EGLN3: variants seen among roughly 807,000 people sequenced by gnomAD.
EGLN3 encodes egl-9 family hypoxia inducible factor 3, also known as prolyl hydroxylase EGLN3.
In EGLN3, 15 loss-of-function variants were observed where a neutral mutation model predicts 26.0. The ratio of observed to expected loss-of-function variants is 0.58; its 90% CI spans 0.39 to 0.89. The LOEUF is 0.89. Ranked by LOEUF, EGLN3 falls within the 40% of genes least tolerant of loss-of-function variation. The pLI, the probability that EGLN3 is intolerant of heterozygous loss-of-function variation, is 0.00. For synonymous variants in EGLN3, 147 were observed against 127.2 expected (o/e 1.16, Z -1.05); for missense variants, 238 against 311.6 (o/e 0.76, Z 1.78).
intron 1 of EGLN3, among the ~76,000 whole-genome samples, chr14:33,934,316 A>G (rs1486387276): frequency 2.6e-5 from 4 of 152,206 alleles, no homozygotes; most frequent in Admixed American, 6.5e-5. Flanking sequence ...AGCCATGTCC[A>G]GACAACAAAC....
intron 1 of EGLN3, among the ~76,000 whole-genome samples, chr14:33,946,867 T>C (rs1358891141): frequency 6.6e-6 from 1 of 152,264 alleles, no homozygotes; most frequent in African/African-American, 2.4e-5. Flanking sequence ...GCCACGAAGT[T>C]AGTTAACACT....
At chr14:33,931,802 A>C (rs904616997) in intron 1 of EGLN3, among the ~76,000 whole-genome samples, 1 of 152,226 alleles carries the variant, frequency 6.6e-6, no homozygotes, top group South Asian at 2.1e-4. Flanking sequence ...GTTAACACAG[A>C]CAACACAGGG....
At chr14:33,931,968 T>C (rs932877244) in intron 1 of EGLN3, among the ~76,000 whole-genome samples, 1 of 152,216 alleles carries the variant, frequency 6.6e-6, no homozygotes, top group Admixed American at 6.5e-5. Flanking sequence ...CCAAAAATCC[T>C]ACTGAAAATT....
At chr14:33,933,480 T>C (rs533886237) in intron 1 of EGLN3, among the ~76,000 whole-genome samples, 1 of 152,130 alleles carries the variant, frequency 6.6e-6, no homozygotes, top group Non-Finnish European at 1.5e-5. Context: ...GGCAAAGAGA[T>C]AATTTTTCTG....
chr14:33,951,024 G>T lies in EGLN3; in HGVS notation c.-272C>A. On this transcript the variant is annotated 5_prime_UTR_variant, in exon 1 of 5. Transcript: ENST00000250457. Reference sequence around the variant, plus strand: ...GGCGAGCAGTGCGGCGCAAGGAGTCGGAGGGCGCCTTTTGGGGATGGGAAG... The same window carrying T: ...GGCGAGCAGTGCGGCGCAAGGAGTCTGAGGGCGCCTTTTGGGGATGGGAAG... The T allele has an allele frequency of 2.3e-6, 1 of 439,600 alleles. No homozygotes were observed. Among genetic ancestry groups the T allele is most frequent in the Non-Finnish European group, 4.0e-6 (1 of 249,056 alleles). 27.2% of individuals were successfully genotyped at this position (439,600 alleles called of 1,614,324 possible). A position where few individuals can be genotyped will look rare whatever the true frequency, so the allele number is the denominator to read the frequency against.
chr14:33,935,591 A>G (rs1429865251), intron 1 of EGLN3, among the ~76,000 whole-genome samples: 1 of 64,254 alleles, frequency 1.6e-5, no homozygotes, highest in Non-Finnish European at 3.3e-5. Flanking sequence ...ATAAATACAC[A>G]CACACACACA....
intron 3 of EGLN3, 116 bp from the exon 4 acceptor site, chr14:33,927,149 C>G (rs1006776888): frequency 3.9e-6 from 1 of 254,428 alleles, no homozygotes; most frequent in African/African-American, 3.0e-5. Context: ...AGAAGTCTAC[C>G]CTGATTTATT....
chr14:33,939,280 G>A (rs1484697390), intron 1 of EGLN3, among the ~76,000 whole-genome samples: 1 of 151,184 alleles, frequency 6.6e-6, no homozygotes, highest in East Asian at 1.9e-4. Context: ...GCGCGATCTC[G>A]GCTCACTGCA....
rs1489853640 is a variant in EGLN3, at chr14:33,942,808, G to A, written c.357+7588C>T. Among the ~76,000 whole-genome samples, 3 of 152,270 alleles carry A rather than the reference G, an allele frequency of 2.0e-5. No individual in the cohort carries two copies. In the East Asian group the frequency reaches 5.8e-4, roughly 29 times the overall value. On this transcript the variant is annotated intron_variant, in intron 1 of 4. Transcript: ENST00000250457. The stretch of plus-strand genomic sequence containing the variant: ...AAAGAAAAACTAATGTTTAATATAA[G>A]ATAGGCACATGTACTCCAGAACTTG...
intron 1 of EGLN3, among the ~76,000 whole-genome samples, chr14:33,942,291 T>C (rs2064488926): frequency 6.8e-6 from 1 of 147,106 alleles, no homozygotes; most frequent in South Asian, 2.1e-4. Flanking sequence ...AAAGAAAGTT[T>C]AGTTAAAAAA....
intron 4 of EGLN3, 36 bp from the exon 5 acceptor site, chr14:33,925,958 T>C (rs773331957): frequency 1.9e-6 from 3 of 1,607,190 alleles, no homozygotes; most frequent in African/African-American, 1.3e-5. Flanking sequence ...AAAGAGGGTA[T>C]GGAGTCAGCT....
chr14:33,950,564 C>T lies in EGLN3; in HGVS notation c.189G>A (p.Gly63=). The change falls in exon 1 of 5, where the codon GGG becomes GGA. Residue 63 remains glycine, a synonymous_variant. Transcript: ENST00000250457. The part of the protein sequence containing the change: ...TGALRDGQLA[G]PRAGVSKRHL... ...GTCGCTTGGAGACGCCGGCGCGCGG[C>T]CCCGCCAGCTGGCCGTCCCGCAGGG... is the stretch of plus-strand genomic sequence containing the variant. 1 of 1,611,914 alleles carries T rather than the reference C, an allele frequency of 6.2e-7. No homozygotes were observed. The highest frequency in any genetic ancestry group is 8.5e-7 in the Non-Finnish European group (1 of 1,179,026).
At chr14:33,939,440 G>A (rs1051229274) in intron 1 of EGLN3, among the ~76,000 whole-genome samples, 2 of 152,152 alleles carry the variant, frequency 1.3e-5, no homozygotes, top group Admixed American at 1.3e-4. Context: ...TCTATCTCCT[G>A]ACCTCGTGAT....
chr14:33,937,279 T>C (rs1383734168), intron 1 of EGLN3, among the ~76,000 whole-genome samples: 1 of 152,242 alleles, frequency 6.6e-6, no homozygotes, highest in Non-Finnish European at 1.5e-5. Flanking sequence ...AAACTTCACC[T>C]AGACGGGCAT....
intron 1 of EGLN3, among the ~76,000 whole-genome samples, chr14:33,939,781 A>T (rs544192911): frequency 2.7e-4 from 41 of 152,308 alleles, no homozygotes; most frequent in Non-Finnish European, 5.0e-4. Context: ...GAGGAAATGG[A>T]GGCACAGAGA....
At chr14:33,930,621 G>C (rs1323290374) in intron 2 of EGLN3, among the ~76,000 whole-genome samples, 2 of 152,160 alleles carry the variant, frequency 1.3e-5, no homozygotes, top group Non-Finnish European at 2.9e-5. Flanking sequence ...GTAAGCCATG[G>C]CAAGCAGCCA....
intron 1 of EGLN3, among the ~76,000 whole-genome samples, chr14:33,946,560 G>A (rs2064519972): frequency 6.6e-6 from 1 of 151,964 alleles, no homozygotes; most frequent in Admixed American, 6.6e-5. Context: ...CGTTCATCAT[G>A]GCACCACCAC....
rs11542096 is a variant in EGLN3 at position 33,950,906 on chromosome 14, G to A, written c.-154C>T. The A allele has an allele frequency of 4.3e-6, 3 of 701,710 alleles. No homozygotes were observed. Among genetic ancestry groups the A allele is most frequent in the Admixed American group, 2.5e-5 (1 of 40,690 alleles). 43.5% of individuals were successfully genotyped at this position (701,710 alleles called of 1,614,324 possible). ...GAGCCGCTGCAGCGTCGGGGACAAG[G>A]GAAAGTTTCTCGCAACTCTCGGGAG... On this transcript the variant is annotated 5_prime_UTR_variant, in exon 1 of 5. Coordinates refer to ENST00000250457, the MANE Select transcript of EGLN3 (RefSeq NM_022073.4).
At position 33,930,922 on chromosome 14, in the gene EGLN3, T is replaced by A. The variant is rs141653202; in HGVS notation, c.477+174A>T. On this transcript the variant is annotated intron_variant, in intron 2 of 4. Coordinates refer to ENST00000250457, the MANE Select transcript of EGLN3 (RefSeq NM_022073.4). ...CAAATTAACTTCATTGTTTTCTTCTTAACAACTTTAGGACTAATTCCATTG... is the reference window on the plus strand; with the variant it reads ...CAAATTAACTTCATTGTTTTCTTCTAAACAACTTTAGGACTAATTCCATTG... Among the ~76,000 whole-genome samples, 3 of 152,306 alleles carry A rather than the reference T, an allele frequency of 2.0e-5. 1 individual carries two copies. Among genetic ancestry groups the A allele is most frequent in the African/African-American group, 7.2e-5 (3 of 41,566 alleles).
Sources: allele counts gnomAD v4.1 joint callset (sites outside exome capture counted in the v4.1 genomes callset), GRCh38; gene constraint gnomAD v4.1.1; transcripts MANE v1.5; gene names NCBI Gene and HGNC (gene_info 2026-07-23, HGNC 2026-07-21).